The following MTA3 variants were observed in gnomAD, a reference collection of about 807,000 sequenced individuals.
MTA3 encodes the protein metastasis-associated protein MTA3.
MTA3 carries 34 observed loss-of-function variants against 83.5 expected under a neutral mutation model. That is an observed-to-expected ratio of 0.41 (90% CI 0.31 to 0.54). The LOEUF (loss-of-function observed/expected upper bound fraction) is 0.54, where lower values mean the gene tolerates loss of function less well. Among genes scored for constraint, MTA3 ranks in the 20% least tolerant of loss-of-function variants. MTA3 has a pLI of 0.33. For missense variants in MTA3, 761 were observed against 726.4 expected (o/e 1.05, Z -0.55); for synonymous variants, 303 against 252.7 (o/e 1.20, Z -1.89).
At chr2:42,561,225 G>A (rs959288757) in intron 2 of MTA3, among the ~76,000 whole-genome samples, 34 of 152,148 alleles carry the variant, frequency 2.2e-4, no homozygotes, top group African/African-American at 7.7e-4. Context: ...TATACAAAAG[G>A]CCTTCCCTTA....
At chr2:42,568,167 T>C (rs1004669050), upstream of MTA3, 2 of 152,392 alleles carry the variant, frequency 1.3e-5, no homozygotes, top group Admixed American at 6.5e-5. Context: ...TCCAAGAGTT[T>C]GCATTGAGAC....
chr2:42,568,412 GCCCCCCACCCTC>G (rs1219783598), upstream of MTA3: 1 of 147,586 alleles, frequency 6.8e-6, no homozygotes, highest in Non-Finnish European at 1.5e-5. Flanking sequence ...TTCCAGCAAG[GCCCCCCACCCTC>G]CCTCCCACTC....
At chr2:42,630,965 T>C (rs1021581825) in intron 4 of MTA3, among the ~76,000 whole-genome samples, 1 of 152,216 alleles carries the variant, frequency 6.6e-6, no homozygotes, top group Non-Finnish European at 1.5e-5. Context: ...TAACTTTATA[T>C]AAGTAATAAA....
rs960839608 is a variant in MTA3 at position 42,568,788 on chromosome 2, C to T, written c.28+15C>T. On this transcript the variant is annotated intron_variant, in intron 1 of 16. Transcript: ENST00000405094. ...CCGGGTCGGAGGTAGGCAGGCTCGG[C>T]CCGACCCGGCCCGTGTGGGAGCGGG... 3.3e-5 allele frequency: 40 copies of T among 1,215,158 alleles called. No homozygotes were observed. The African/African-American group carries it at 6.1e-4, about 19-fold the overall frequency. 75.3% of individuals were successfully genotyped at this position (1,215,158 alleles called of 1,614,324 possible).
chr2:42,625,405 T>C (rs1285501819), intron 4 of MTA3, among the ~76,000 whole-genome samples: 1 of 151,730 alleles, frequency 6.6e-6, no homozygotes, highest in Non-Finnish European at 1.5e-5. Context: ...ATCTTTGATT[T>C]TTCTAGCACG....
At chr2:42,712,186 A>G (rs959357479) in intron 14 of MTA3, among the ~76,000 whole-genome samples, 10 of 152,234 alleles carry the variant, frequency 6.6e-5, no homozygotes, top group Admixed American at 6.5e-5. Context: ...AGGTCTTTGC[A>G]GATTCATAAA....
chr2:42,563,545 C>A (rs1387206056), intron 2 of MTA3, among the ~76,000 whole-genome samples: 1 of 152,152 alleles, frequency 6.6e-6, no homozygotes, highest in Non-Finnish European at 1.5e-5. Context: ...CAGCTCACTG[C>A]AAGCTCCACC....
rs543918057 is a variant in MTA3, at chr2:42,611,647, C to G, written c.317+2063C>G. On this transcript the variant is annotated intron_variant, in intron 4 of 16. Transcript: ENST00000405094. ...CCTGGTCAGTAGAGCAAGACCTTGT[C>G]TCTACCAAAAATATAAAAATTAGCT... Among the ~76,000 whole-genome samples, 6 of 152,136 alleles carry G rather than the reference C, an allele frequency of 3.9e-5. No homozygotes were observed. In the East Asian group the frequency reaches 5.8e-4, roughly 15 times the overall value.
intron 15 of MTA3, among the ~76,000 whole-genome samples, chr2:42,721,309 GTTCTTT>G (rs1363725918): frequency 1.2e-4 from 18 of 150,350 alleles, no homozygotes; most frequent in East Asian, 5.8e-4. Flanking sequence ...AGGAAGGACT[GTTCTTT>G]TTCTTTTTCT....
intron 3 of MTA3, among the ~76,000 whole-genome samples, chr2:42,592,816 A>G (rs1248397448): frequency 1.3e-5 from 2 of 152,096 alleles, no homozygotes; most frequent in Non-Finnish European, 1.5e-5. Context: ...GCTGTTTTAC[A>G]GTTAACCTTT....
intron 2 of MTA3, among the ~76,000 whole-genome samples, chr2:42,544,305 G>C (rs1676657731): frequency 6.6e-6 from 1 of 151,794 alleles, no homozygotes; most frequent in Non-Finnish European, 1.5e-5. Flanking sequence ...AATTAGCTAG[G>C]CATGGTGGCA....
chr2:42,582,120 C>T (rs981496866), intron 3 of MTA3, among the ~76,000 whole-genome samples: 8 of 151,674 alleles, frequency 5.3e-5, no homozygotes, highest in South Asian at 2.1e-4. Context: ...TGTAGTGGCG[C>T]GATCTTGGCT....
intron 4 of MTA3, among the ~76,000 whole-genome samples, chr2:42,621,183 G>A (rs1348062711): frequency 1.3e-5 from 2 of 151,478 alleles, no homozygotes; most frequent in Non-Finnish European, 2.9e-5. Context: ...TCGCAGAGGG[G>A]GATTTGGCAG....
intron 4 of MTA3, among the ~76,000 whole-genome samples, chr2:42,612,550 G>C (rs1434512551): frequency 6.6e-6 from 1 of 151,216 alleles, no homozygotes; most frequent in Non-Finnish European, 1.5e-5. Context: ...AGAATATAAA[G>C]ATTAATTTTA....
chr2:42,727,609 G>A (rs1667918105), intron 16 of MTA3, among the ~76,000 whole-genome samples: 1 of 151,670 alleles, frequency 6.6e-6, no homozygotes, highest in Non-Finnish European at 1.5e-5. Context: ...GCCATGGGGG[G>A]AAAAAGGGGT....
chr2:42,732,858 T>G (rs1668330078), intron 16 of MTA3, among the ~76,000 whole-genome samples: 1 of 152,240 alleles, frequency 6.6e-6, no homozygotes, highest in African/African-American at 2.4e-5. Context: ...CTAGTCTCTT[T>G]GCTGAAACAT....
chr2:42,729,133 G>A (rs1668064946), intron 16 of MTA3, among the ~76,000 whole-genome samples: 1 of 102,414 alleles, frequency 9.8e-6, no homozygotes, highest in African/African-American at 3.7e-5. Flanking sequence ...ATGCTCTGTT[G>A]CTCAGGCTGG....
intron 8 of MTA3, among the ~76,000 whole-genome samples, chr2:42,669,647 G>A (rs920008895): frequency 7.9e-5 from 12 of 152,102 alleles, no homozygotes; most frequent in South Asian, 2.1e-4. Flanking sequence ...TTACACACAC[G>A]TCTTTTTGTT....
intron 2 of MTA3, among the ~76,000 whole-genome samples, chr2:42,527,583 A>G (rs897019583): frequency 1.3e-5 from 2 of 152,174 alleles, no homozygotes; most frequent in African/African-American, 4.8e-5. Context: ...GCAAATACAG[A>G]CATTTATCTA....
Sources: gnomAD v4.1 joint callset for allele counts (sites outside exome capture counted in the v4.1 genomes callset) on GRCh38, gnomAD v4.1.1 for gene constraint, MANE v1.5 for transcripts, NCBI Gene and HGNC (gene_info 2026-07-23, HGNC 2026-07-21) for gene names.